Variants in GPHN observed in about 807,000 individuals in gnomAD.
The protein encoded by GPHN is gephyrin.
In GPHN, 17 loss-of-function variants were observed where a neutral mutation model predicts 95.5. The ratio of observed to expected loss-of-function variants is 0.18; its 90% CI spans 0.12 to 0.27. GPHN has a LOEUF of 0.27. Among genes scored for constraint, GPHN ranks in the 10% least tolerant of loss-of-function variants. The pLI is 1.00. For missense variants in GPHN, 660 were observed against 978.1 expected (o/e 0.67, Z 4.34); for synonymous variants, 320 against 322.5 (o/e 0.99, Z 0.08).
chr14:67,651,417 G>A, the GPHN span: 3 of 1,613,992 alleles, frequency 1.9e-6, no homozygotes, highest in Non-Finnish European at 2.5e-6. Context: ...TAGTAAACCA[G>A]GCCTCCCAGG....
At chr14:66,722,221 G>T (rs1478110406) in intron 2 of GPHN, among the ~76,000 whole-genome samples, 1 of 151,848 alleles carries the variant, frequency 6.6e-6, no homozygotes, top group Non-Finnish European at 1.5e-5. Context: ...ACTGATAAAG[G>T]TAACATGAAA....
At chr14:67,575,479 C>G in the GPHN span, 2 of 1,556,666 alleles carry the variant, frequency 1.3e-6, no homozygotes, top group South Asian at 2.3e-5. Flanking sequence ...CAAGGTACTT[C>G]TCAGCCTCCT....
chr14:67,193,090 A>ATCTCTATATAGATATC, the GPHN span, among the ~76,000 whole-genome samples: 61 of 144,006 alleles, frequency 4.2e-4, no homozygotes, highest in African/African-American at 1.4e-3. Context: ...ATCTATCTAT[A>ATCTCTATATAGATATC]TCTCTATATA....
At chr14:67,655,489 C>A in the GPHN span, among the ~76,000 whole-genome samples, 1 of 151,932 alleles carries the variant, frequency 6.6e-6, no homozygotes, top group Non-Finnish European at 1.5e-5. Context: ...ATCCAGCTTA[C>A]CTTACTGGAT....
intron 5 of GPHN, among the ~76,000 whole-genome samples, chr14:66,891,179 C>A (rs528312245): frequency 4.7e-4 from 71 of 151,630 alleles, no homozygotes; most frequent in Non-Finnish European, 7.4e-4. Flanking sequence ...TGTAGAAAAC[C>A]CAAGATTCCA....
the GPHN span, among the ~76,000 whole-genome samples, chr14:67,637,731 A>G: frequency 3.3e-4 from 51 of 152,344 alleles, no homozygotes; most frequent in South Asian, 2.1e-3. Flanking sequence ...TAACTAGAAT[A>G]GTTTAACATA....
At chr14:66,592,850 A>T (rs879055306) in intron 1 of GPHN, among the ~76,000 whole-genome samples, 1 of 152,174 alleles carries the variant, frequency 6.6e-6, no homozygotes, top group African/African-American at 2.4e-5. Flanking sequence ...ACATGCACAC[A>T]TACGTTTATT....
intron 2 of GPHN, among the ~76,000 whole-genome samples, chr14:66,739,213 T>G (rs2072563869): frequency 6.9e-6 from 1 of 144,600 alleles, no homozygotes; most frequent in Admixed American, 7.2e-5. Flanking sequence ...CATTTTTTCT[T>G]ACAGCTTTTT....
chr14:67,144,250 A>AAATATATATATATAT (rs1168342196), intron 18 of GPHN, among the ~76,000 whole-genome samples: 1 of 57,774 alleles, frequency 1.7e-5, no homozygotes, highest in Non-Finnish European at 2.9e-5. Flanking sequence ...AAAAAAAAAA[A>AAATATATATATATAT]ATATATATAT....
At chr14:67,621,960 A>G in the GPHN span, among the ~76,000 whole-genome samples, 1 of 152,006 alleles carries the variant, frequency 6.6e-6, no homozygotes, top group Non-Finnish European at 1.5e-5. Context: ...AGTCAGGCAT[A>G]GTGGCATGCA....
chr14:67,556,212 G>A, the GPHN span, among the ~76,000 whole-genome samples: 2 of 152,244 alleles, frequency 1.3e-5, no homozygotes, highest in East Asian at 3.8e-4. Flanking sequence ...CAGTCACTCA[G>A]GAATCCAGGT....
intron 6 of GPHN, among the ~76,000 whole-genome samples, chr14:66,921,812 A>C (rs1427739498): frequency 6.6e-6 from 1 of 152,186 alleles, no homozygotes; most frequent in Non-Finnish European, 1.5e-5. Context: ...TTCAAACTAC[A>C]CTATAAGGCC....
chr14:66,816,808 T>C (rs1000253874), intron 3 of GPHN, among the ~76,000 whole-genome samples: 4 of 152,046 alleles, frequency 2.6e-5, no homozygotes, highest in African/African-American at 9.7e-5. Context: ...AAATCAAAGC[T>C]GAACTCAAAG....
chr14:67,242,203 C>T, the GPHN span, among the ~76,000 whole-genome samples: 1 of 152,296 alleles, frequency 6.6e-6, no homozygotes, highest in Non-Finnish European at 1.5e-5. Flanking sequence ...CATAACTCAC[C>T]TTCTGTTGAT....
the GPHN span, among the ~76,000 whole-genome samples, chr14:67,485,537 C>G: frequency 2.5e-3 from 380 of 152,288 alleles, 2 homozygotes; most frequent in Non-Finnish European, 4.0e-3. Flanking sequence ...AGCCTAGGAA[C>G]TCCAAAAAAA....
chr14:67,500,989 T>C, the GPHN span, among the ~76,000 whole-genome samples: 7 of 151,178 alleles, frequency 4.6e-5, no homozygotes, highest in African/African-American at 1.5e-4. Context: ...CAAGGTTCAT[T>C]TGGGATCCAA....
At position 66,513,147 on chromosome 14, in the gene GPHN, T is replaced by C. The variant is rs562598274; in HGVS notation, c.64+4556T>C. On this transcript the variant is annotated intron_variant, in intron 1 of 22. Transcript: ENST00000478722. ...ATGTTAAATTAATTTCTAATGAATA[T>C]ACTTAGTACTATTATCATTGGTCAA... 2.8e-4 allele frequency among the ~76,000 whole-genome samples: 42 copies of C among 151,914 alleles called. 1 individual carries two copies. The South Asian group carries it at 8.7e-3, about 31-fold the overall frequency.
At chr14:66,545,554 G>A (rs1360958188) in intron 1 of GPHN, among the ~76,000 whole-genome samples, 10 of 78,890 alleles carry the variant, frequency 1.3e-4, no homozygotes, top group East Asian at 7.4e-4. Flanking sequence ...CTGGCCGGGC[G>A]GGGGGCTGAC....
chr14:66,927,768 A>G (rs925741887), intron 8 of GPHN, among the ~76,000 whole-genome samples: 2 of 152,106 alleles, frequency 1.3e-5, no homozygotes, highest in Admixed American at 6.6e-5. Flanking sequence ...ATTTCGTCAA[A>G]TGCTTTTTCA....
Sources: gnomAD v4.1 joint callset for allele counts (sites outside exome capture counted in the v4.1 genomes callset) on GRCh38, gnomAD v4.1.1 for gene constraint, MANE v1.5 for transcripts, NCBI Gene and HGNC (gene_info 2026-07-23, HGNC 2026-07-21) for gene names.